The following INPP4A variants were observed in gnomAD, a reference collection of about 807,000 sequenced individuals.
INPP4A encodes the protein inositol polyphosphate-4-phosphatase, type I, 107kD.
Under a neutral mutation model 119.8 loss-of-function variants are expected in INPP4A, and 33 were observed. That is an observed-to-expected ratio of 0.28 (90% confidence interval 0.21 to 0.37). The LOEUF is 0.37. Among genes scored for constraint, INPP4A ranks in the 10% least tolerant of loss-of-function variants. The pLI, the probability that INPP4A is intolerant of heterozygous loss-of-function variation, is 1.00. For missense variants in INPP4A, 956 were observed against 1,289.9 expected (o/e 0.74, Z 3.97); for synonymous variants, 496 against 500.7 (o/e 0.99, Z 0.12).
At chr2:98,491,417 C>G (rs1241297309) in intron 1 of INPP4A, among the ~76,000 whole-genome samples, 2 of 152,176 alleles carry the variant, frequency 1.3e-5, no homozygotes, top group East Asian at 3.8e-4. Context: ...CTTTTTAAAG[C>G]ATTTACTCAT....
At chr2:98,468,090 A>G (rs1448090568) in intron 1 of INPP4A, among the ~76,000 whole-genome samples, 1 of 150,348 alleles carries the variant, frequency 6.7e-6, no homozygotes, top group African/African-American at 2.4e-5. Context: ...ATACTTTCCA[A>G]CTCAGTGAGA....
chr2:98,532,804 A>G (rs1689489494), intron 4 of INPP4A, among the ~76,000 whole-genome samples: 3 of 152,178 alleles, frequency 2.0e-5, no homozygotes, highest in Admixed American at 6.5e-5. Flanking sequence ...CTGTGAGACC[A>G]TTGTCATATA....
chr2:98,566,861 G>C lies in INPP4A; in HGVS notation c.2420+692G>C, dbSNP rs187879029. 4.4e-3 allele frequency among the ~76,000 whole-genome samples: 664 copies of C among 152,288 alleles called. 1 individual carries two copies. Among genetic ancestry groups the C allele is most frequent in the Non-Finnish European group, 7.4e-3 (503 of 68,016 alleles). ...AGTACATGAGAATGATTCCTGTGTTGTCATTTATCTTCATGTGATATGTGT... is the reference window on the plus strand; with the variant it reads ...AGTACATGAGAATGATTCCTGTGTTCTCATTTATCTTCATGTGATATGTGT... On this transcript the variant is annotated intron_variant, in intron 21 of 24. Transcript: ENST00000409851. The surrounding 1 kb of genome is among the most constrained non-coding windows in gnomAD (Gnocchi z 4.2).
intron 24 of INPP4A, chr2:98,581,471 C>A (rs1463112747): frequency 1.8e-6 from 2 of 1,111,930 alleles, no homozygotes; most frequent in South Asian, 1.7e-5. Flanking sequence ...TCTTGTTTAT[C>A]CCATCCTTTT....
At chr2:98,455,244 G>A (rs1238111300) in intron 1 of INPP4A, among the ~76,000 whole-genome samples, 8 of 151,990 alleles carry the variant, frequency 5.3e-5, no homozygotes, top group Admixed American at 3.3e-4. Flanking sequence ...AGGCTGAGGC[G>A]GGAGGATCAC....
At chr2:98,510,287 A>G (rs562288552) in intron 1 of INPP4A, among the ~76,000 whole-genome samples, 1 of 152,124 alleles carries the variant, frequency 6.6e-6, no homozygotes, top group East Asian at 1.9e-4. Flanking sequence ...GAAGGACAGA[A>G]CTCCATCTAC....
intron 13 of INPP4A, among the ~76,000 whole-genome samples, chr2:98,552,267 G>A (rs1378780093): frequency 2.0e-5 from 3 of 152,190 alleles, no homozygotes; most frequent in East Asian, 1.9e-4. Context: ...GAGGAAGGAC[G>A]ACTGTGGGTA....
intron 4 of INPP4A, among the ~76,000 whole-genome samples, chr2:98,522,300 A>AAAAG (rs1432932822): frequency 1.3e-5 from 2 of 151,542 alleles, no homozygotes; most frequent in African/African-American, 2.4e-5. Flanking sequence ...AAAAAAAAAA[A>AAAAG]AAAGAAAGAA....
At chr2:98,461,324 C>A (rs1180008883) in intron 1 of INPP4A, among the ~76,000 whole-genome samples, 1 of 152,204 alleles carries the variant, frequency 6.6e-6, no homozygotes, top group Non-Finnish European at 1.5e-5. Flanking sequence ...AAGTGAAGGG[C>A]GGAGAGCAAG....
intron 4 of INPP4A, among the ~76,000 whole-genome samples, chr2:98,528,513 A>G (rs897179481): frequency 6.6e-6 from 1 of 152,248 alleles, no homozygotes; most frequent in Non-Finnish European, 1.5e-5. Flanking sequence ...GACCAAAAAC[A>G]TCCCATGTTT....
chr2:98,521,880 G>T (rs1687264643), intron 4 of INPP4A: 1 of 152,086 alleles, frequency 6.6e-6, no homozygotes, highest in African/African-American at 2.4e-5. Flanking sequence ...AGACTGCAGT[G>T]AGTTATGATT....
intron 1 of INPP4A, among the ~76,000 whole-genome samples, chr2:98,505,223 C>T (rs191906342): frequency 6.6e-6 from 1 of 152,358 alleles, no homozygotes; most frequent in East Asian, 1.9e-4. Context: ...CTGCTGGGAT[C>T]TGCCCAACCC....
At chr2:98,501,299 A>G (rs559021179) in intron 1 of INPP4A, among the ~76,000 whole-genome samples, 2 of 152,228 alleles carry the variant, frequency 1.3e-5, no homozygotes, top group South Asian at 4.1e-4. Context: ...GTGCCACTGC[A>G]CTCCAGCCTG....
chr2:98,471,117 T>C (rs1376325213), intron 1 of INPP4A, among the ~76,000 whole-genome samples: 1 of 152,166 alleles, frequency 6.6e-6, no homozygotes, highest in Non-Finnish European at 1.5e-5. Context: ...TAAAATAGTT[T>C]TAGCTGAGGG....
intron 24 of INPP4A, among the ~76,000 whole-genome samples, chr2:98,580,487 G>T (rs188762190): frequency 1.3e-5 from 2 of 152,350 alleles, no homozygotes; most frequent in African/African-American, 2.4e-5. Context: ...GGCCACTGGG[G>T]TGTTCCTGTC....
chr2:98,475,209 C>G (rs946767595), intron 1 of INPP4A, among the ~76,000 whole-genome samples: 1 of 151,998 alleles, frequency 6.6e-6, no homozygotes, highest in Non-Finnish European at 1.5e-5. Flanking sequence ...GAGATGCTGT[C>G]GGGAGCAGCT....
intron 1 of INPP4A, among the ~76,000 whole-genome samples, chr2:98,499,810 G>A (rs956194299): frequency 4.6e-5 from 7 of 152,238 alleles, no homozygotes; most frequent in Non-Finnish European, 7.3e-5. Context: ...CAAAAGGACA[G>A]TATTCTCCTT....
intron 1 of INPP4A, among the ~76,000 whole-genome samples, chr2:98,466,024 G>A (rs991836804): frequency 2.6e-5 from 4 of 151,942 alleles, no homozygotes; most frequent in East Asian, 1.9e-4. Flanking sequence ...TTCTTGTTAC[G>A]TTTTTTGTTT....
chr2:98,497,649 A>C (rs1397636043), intron 1 of INPP4A, among the ~76,000 whole-genome samples: 1 of 152,108 alleles, frequency 6.6e-6, no homozygotes, highest in East Asian at 1.9e-4. Context: ...TCTGACGTTA[A>C]CCCCTTGTCT....
Sources: gnomAD v4.1 joint callset for allele counts (sites outside exome capture counted in the v4.1 genomes callset) on GRCh38, gnomAD v4.1.1 for gene constraint, Gnocchi (gnomAD v3.1) non-coding constraint, MANE v1.5 for transcripts, NCBI Gene and HGNC (gene_info 2026-07-23, HGNC 2026-07-21) for gene names.